The following CTNND1 variants were observed in gnomAD, a reference collection of about 807,000 sequenced individuals.
CTNND1 encodes catenin delta-1.
In CTNND1, 16 loss-of-function variants were observed where a neutral mutation model predicts 112.1. The observed-to-expected ratio is 0.14, with a 90% CI of 0.10 to 0.22. CTNND1 has a LOEUF of 0.22. Ranked by LOEUF, CTNND1 falls within the 10% of genes least tolerant of loss-of-function variation. The probability of loss-of-function intolerance (pLI) is 1.00; values close to 1 mark genes in which losing one functional copy is unlikely to be tolerated. For missense variants in CTNND1, 1,008 were observed against 1,257.0 expected (o/e 0.80, Z 3.00); for synonymous variants, 420 against 446.5 (o/e 0.94, Z 0.75).
Position 57,762,119 on chromosome 11 carries a change from G to A in CTNND1, c.-214G>A, listed in dbSNP as rs910101178. The A allele has an allele frequency of 4.1e-6, 4 of 984,446 alleles. No individual in the cohort carries two copies. The African/African-American group carries it at 5.2e-5, about 13-fold the overall frequency. The allele number at this position is 984,446 out of a possible 1,614,324, so 61.0% of individuals were successfully genotyped here. A position where few individuals can be genotyped will look rare whatever the true frequency, so the allele number is the denominator to read the frequency against. ...TAAGCAAGTCGAATTTTTGTCTTAC[G>A]GTAACCGGAGGGAATTAAAAAACGG... On this transcript the variant is annotated splice_region_variant and 5_prime_UTR_variant, in exon 1 of 21. Transcript: ENST00000399050.
In CTNND1 at chr11:57,795,824, A is replaced by G. The variant is rs11570193; in HGVS notation, c.420+95A>G. 1.1e-3 allele frequency: 1,359 copies of G among 1,244,088 alleles called. 21 individuals are homozygous for G. The African/African-American group carries it at 0.019, about 17-fold the overall frequency. The allele number at this position is 1,244,088 out of a possible 1,614,324, so 77.1% of individuals were successfully genotyped here. On this transcript the variant is annotated intron_variant, in intron 5 of 20. Coordinates refer to ENST00000399050, the MANE Select transcript of CTNND1 (RefSeq NM_001085458.2). ...AGCACTTAATTAAGATGGAGGACTG[A>G]TATGCCATTATTGATCTGATTGCAT...
intron 1 of CTNND1, among the ~76,000 whole-genome samples, chr11:57,785,918 A>G (rs1301408399): frequency 6.6e-6 from 1 of 151,844 alleles, no homozygotes; most frequent in East Asian, 1.9e-4. Flanking sequence ...CCTTCTGGGT[A>G]TTTGATTTAA....
At chr11:57,790,155 C>T (rs1266463944) in intron 2 of CTNND1, among the ~76,000 whole-genome samples, 2 of 152,098 alleles carry the variant, frequency 1.3e-5, no homozygotes, top group Non-Finnish European at 2.9e-5. Context: ...CATCTCGGCT[C>T]ACTACACTCT....
At chr11:57,774,484 G>A (rs560368314) in intron 1 of CTNND1, among the ~76,000 whole-genome samples, 2 of 152,292 alleles carry the variant, frequency 1.3e-5, no homozygotes, top group African/African-American at 4.8e-5. Flanking sequence ...AGTTAGGACT[G>A]TGCCATTCCA....
rs1400954219 is a variant in CTNND1, at chr11:57,816,637, G to A, written c.*329G>A. 7.0e-6 allele frequency: 3 copies of A among 428,118 alleles called. No individual in the cohort carries two copies. In the East Asian group the frequency reaches 1.4e-4, roughly 20 times the overall value. 26.5% of individuals were successfully genotyped at this position (428,118 alleles called of 1,614,324 possible). A position where few individuals can be genotyped will look rare whatever the true frequency, so the allele number is the denominator to read the frequency against. On this transcript the variant is annotated 3_prime_UTR_variant, in exon 21 of 21. Coordinates refer to ENST00000399050, the MANE Select transcript of CTNND1 (RefSeq NM_001085458.2). ...ACTCCTGGCCTTTTGTGGAGGGGAGGGATGGAGAGAATAGGAATCTTCACT... is the reference window on the plus strand; with the variant it reads ...ACTCCTGGCCTTTTGTGGAGGGGAGAGATGGAGAGAATAGGAATCTTCACT...
rs1255200723 is a variant in CTNND1, at chr11:57,819,044, G to T, written c.*2736G>T. 6.6e-6 allele frequency: 1 copy of T among 152,102 alleles called. No individual in the cohort carries two copies. Among genetic ancestry groups the T allele is most frequent in the African/African-American group, 2.4e-5 (1 of 41,412 alleles). 9.4% of individuals were successfully genotyped at this position (152,102 alleles called of 1,614,324 possible). ...GACTATCTTTGCTGCAGAGATCAAG[G>T]GTTAAGATCTATGGGAAGATACTTA... On this transcript the variant is annotated 3_prime_UTR_variant, in exon 21 of 21. Coordinates refer to ENST00000399050, the MANE Select transcript of CTNND1 (RefSeq NM_001085458.2).
intron 1 of CTNND1, among the ~76,000 whole-genome samples, chr11:57,770,051 C>T (rs1052901495): frequency 6.6e-5 from 10 of 151,940 alleles, no homozygotes; most frequent in Non-Finnish European, 1.2e-4. Context: ...TGTGGCTGGG[C>T]GCGGTGGTGG....
At chr11:57,808,350 A>G in intron 13 of CTNND1, 40 bp from the exon 14 acceptor site, 1 of 1,598,850 alleles carries the variant, frequency 6.3e-7, no homozygotes, top group Non-Finnish European at 8.6e-7. Flanking sequence ...GTTTGCTGCC[A>G]TTTGTAATTT....
At chr11:57,781,796 G>A (rs2059612877) in intron 1 of CTNND1, 1 of 152,332 alleles carries the variant, frequency 6.6e-6, no homozygotes, top group African/African-American at 2.4e-5. Flanking sequence ...TCCTGTGTGT[G>A]CGTCATGCAT....
rs762469814 is a variant in CTNND1, at chr11:57,815,382, T to C, written c.2702-12T>C. 2.0e-6 allele frequency: 3 copies of C among 1,518,442 alleles called. No individual in the cohort carries two copies. The allele number at this position is 1,518,442 out of a possible 1,614,324, so 94.1% of individuals were successfully genotyped here. Reference sequence around the variant, plus strand: ...ATGTCATATTTCTGTGTACTTTTTTTTTTTTAACCAGATAACAACTATTCC... The same window carrying C: ...ATGTCATATTTCTGTGTACTTTTTTCTTTTTAACCAGATAACAACTATTCC... On this transcript the variant is annotated splice_polypyrimidine_tract_variant and intron_variant, in intron 18 of 20. Coordinates refer to ENST00000399050, the MANE Select transcript of CTNND1 (RefSeq NM_001085458.2).
At position 57,785,910 on chromosome 11, in the gene CTNND1, T is replaced by G. The variant is rs2060082077; in HGVS notation, c.-213-3127T>G. 2.0e-5 allele frequency among the ~76,000 whole-genome samples: 3 copies of G among 152,100 alleles called. No individual in the cohort carries two copies. In the South Asian group the frequency reaches 6.2e-4, roughly 32 times the overall value. On this transcript the variant is annotated intron_variant, in intron 1 of 20. Coordinates refer to ENST00000399050, the MANE Select transcript of CTNND1 (RefSeq NM_001085458.2). Reference sequence around the variant, plus strand: ...TTAGCACTGTCTAGTTGTTTGGTCCTTCTGGGTATTTGATTTAATTTAACT... The same window carrying G: ...TTAGCACTGTCTAGTTGTTTGGTCCGTCTGGGTATTTGATTTAATTTAACT...
At chr11:57,803,581 T>G in intron 7 of CTNND1, 40 bp from the exon 8 acceptor site, 3 of 1,524,882 alleles carry the variant, frequency 2.0e-6, no homozygotes, top group Non-Finnish European at 2.7e-6. Context: ...ACATATTGTC[T>G]TGAATGCTCA....
intron 1 of CTNND1, among the ~76,000 whole-genome samples, chr11:57,771,460 A>G (rs1249290081): frequency 6.6e-6 from 1 of 152,084 alleles, no homozygotes; most frequent in Non-Finnish European, 1.5e-5. Flanking sequence ...TGTGTAAGGT[A>G]TGTTTGAGAG....
Position 57,818,218 on chromosome 11 carries a change from G to A in CTNND1, c.*1910G>A, listed in dbSNP as rs1018539734. ...GTGCTCTTTTTTCTCGGTGGGGTGT[G>A]GGTAATAGAACAGCCGTGGGCTTTT... On this transcript the variant is annotated 3_prime_UTR_variant, in exon 21 of 21. Coordinates refer to ENST00000399050, the MANE Select transcript of CTNND1 (RefSeq NM_001085458.2). 3 of 151,140 alleles carry A rather than the reference G, an allele frequency of 2.0e-5. No individual in the cohort carries two copies. Among genetic ancestry groups the A allele is most frequent in the African/African-American group, 7.3e-5 (3 of 40,882 alleles). The allele number at this position is 151,140 out of a possible 1,614,324, so 9.4% of individuals were successfully genotyped here.
At chr11:57,801,378 T>C (rs1257134899) in intron 6 of CTNND1, among the ~76,000 whole-genome samples, 1 of 152,214 alleles carries the variant, frequency 6.6e-6, no homozygotes, top group Non-Finnish European at 1.5e-5. Context: ...TCCTGATCTC[T>C]ACCTAGACAA....
Position 57,810,016 on chromosome 11 carries a change from C to T in CTNND1, c.2436-93C>T, listed in dbSNP as rs1285072033. On this transcript the variant is annotated intron_variant, in intron 15 of 20. Coordinates refer to ENST00000399050, the MANE Select transcript of CTNND1 (RefSeq NM_001085458.2). ...AGGAGCCACTGTGCCCTGCCCCTGG[C>T]ATTTATATTCTTATGTTATTAGAGG... The T allele has an allele frequency of 3.5e-6, 3 of 864,394 alleles. No homozygotes were observed. In the African/African-American group the frequency reaches 5.3e-5, roughly 15 times the overall value. The allele number at this position is 864,394 out of a possible 1,614,324, so 53.5% of individuals were successfully genotyped here. A position where few individuals can be genotyped will look rare whatever the true frequency, so the allele number is the denominator to read the frequency against.
chr11:57,802,215 G>C lies in CTNND1; in HGVS notation c.1420+19G>C, dbSNP rs200733382. On this transcript the variant is annotated intron_variant, in intron 7 of 20. Coordinates refer to ENST00000399050, the MANE Select transcript of CTNND1 (RefSeq NM_001085458.2). ...ATTACCGGTGAGTTCTAGGCCTAAG[G>C]AAAATTGCTAAGTCAGTGTTACTCT... is the stretch of plus-strand genomic sequence containing the variant. The C allele has an allele frequency of 2.2e-5, 35 of 1,579,270 alleles. No individual in the cohort carries two copies. The highest frequency in any genetic ancestry group is 2.6e-6 in the Non-Finnish European group (3 of 1,159,750).
At chr11:57,783,773 G>A (rs2059849276) in intron 1 of CTNND1, among the ~76,000 whole-genome samples, 1 of 152,194 alleles carries the variant, frequency 6.6e-6, no homozygotes, top group Admixed American at 6.5e-5. Flanking sequence ...TTGGGGTCAG[G>A]TGCCAGTTAA....
At chr11:57,814,821 C>A (rs1591712095) in intron 18 of CTNND1, among the ~76,000 whole-genome samples, 1 of 152,150 alleles carries the variant, frequency 6.6e-6, no homozygotes, top group Non-Finnish European at 1.5e-5. Context: ...AACTCAAGTC[C>A]TGTTTTCCCT....
Sources: allele counts gnomAD v4.1 joint callset (sites outside exome capture counted in the v4.1 genomes callset), GRCh38; gene constraint gnomAD v4.1.1; transcripts MANE v1.5; gene names NCBI Gene and HGNC (gene_info 2026-07-23, HGNC 2026-07-21).